The following ATXN1 variants were observed in gnomAD, a reference collection of about 807,000 sequenced individuals.
The protein encoded by ATXN1 is ataxin-1.
A neutral mutation model predicts 56.4 loss-of-function variants in ATXN1; 8 were observed. That is an observed-to-expected ratio of 0.14 (90% confidence interval 0.08 to 0.26). The LOEUF (loss-of-function observed/expected upper bound fraction) is 0.26. Ranked by LOEUF, ATXN1 falls within the 10% of genes least tolerant of loss-of-function variation. The pLI is 1.00. For synonymous variants in ATXN1, 514 were observed against 494.6 expected, an observed-to-expected ratio of 1.04 and a Z score of -0.52; for missense variants, 987 against 1,106.5, an observed-to-expected ratio of 0.89 and a Z score of 1.53.
At chr6:16,412,497 GACTAA>G (rs1287185852) in intron 6 of ATXN1, among the ~76,000 whole-genome samples, 1 of 152,114 alleles carries the variant, frequency 6.6e-6, no homozygotes, top group Non-Finnish European at 1.5e-5. Flanking sequence ...TCCACCAAGT[GACTAA>G]ACTAAATTCA....
chr6:16,471,305 C>T (rs943652604), intron 6 of ATXN1, among the ~76,000 whole-genome samples: 3 of 152,022 alleles, frequency 2.0e-5, no homozygotes. Context: ...GTAAGTTAAT[C>T]ACAGGAAGTA....
intron 6 of ATXN1, among the ~76,000 whole-genome samples, chr6:16,413,676 T>A (rs1044263481): frequency 6.6e-5 from 10 of 152,216 alleles, no homozygotes; most frequent in African/African-American, 2.4e-4. Context: ...AAGCACTGCA[T>A]GTTAATCACT....
chr6:16,591,518 T>C (rs967005535), intron 3 of ATXN1, among the ~76,000 whole-genome samples: 1 of 152,212 alleles, frequency 6.6e-6, no homozygotes, highest in African/African-American at 2.4e-5. Context: ...GGCAAAATTC[T>C]TTGTTCATTA....
At chr6:16,540,457 C>T (rs1040451928) in intron 4 of ATXN1, among the ~76,000 whole-genome samples, 2 of 152,180 alleles carry the variant, frequency 1.3e-5, no homozygotes, top group African/African-American at 4.8e-5. Context: ...GGTGATCCAC[C>T]CACCTCAGCC....
intron 6 of ATXN1, among the ~76,000 whole-genome samples, chr6:16,358,861 G>A (rs1361033323): frequency 1.3e-5 from 2 of 152,190 alleles, no homozygotes; most frequent in African/African-American, 2.4e-5. Flanking sequence ...TGCAGCTGCC[G>A]CACCCACGGC....
intron 3 of ATXN1, 87 bp downstream of exon 3, chr6:16,657,689 G>A (rs977218051): frequency 1.3e-5 from 2 of 152,184 alleles, no homozygotes; most frequent in Non-Finnish European, 2.9e-5. Flanking sequence ...ATAGCAATAC[G>A]CTTGAAGAAG....
chr6:16,673,478 C>G (rs1488173531), intron 2 of ATXN1, among the ~76,000 whole-genome samples: 2 of 152,118 alleles, frequency 1.3e-5, no homozygotes, highest in African/African-American at 2.4e-5. Context: ...TCACCTTTGT[C>G]AAGGCAGGCT....
intron 5 of ATXN1, among the ~76,000 whole-genome samples, chr6:16,515,717 G>C (rs985141363): frequency 2.0e-5 from 3 of 152,214 alleles, no homozygotes; most frequent in Non-Finnish European, 2.9e-5. Flanking sequence ...GCATATGCGT[G>C]GCCCCTGTCT....
intron 4 of ATXN1, among the ~76,000 whole-genome samples, chr6:16,576,919 A>T (rs1762432771): frequency 6.6e-6 from 1 of 152,218 alleles, no homozygotes; most frequent in Non-Finnish European, 1.5e-5. Context: ...AAAAGCTAAA[A>T]AAAGACAAGT....
In ATXN1 at chr6:16,497,076, C is replaced by G. The variant is rs543963855; in HGVS notation, c.-298-10967G>C. 1.3e-3 allele frequency among the ~76,000 whole-genome samples: 205 copies of G among 152,176 alleles called. 2 individuals carry two copies. Among genetic ancestry groups the G allele is most frequent in the African/African-American group, 4.7e-3 (195 of 41,512 alleles). ...TACCTTTTTCAGGCAAAATAAGAGG[C>G]CTTTTACAAAAATTCTATTGCTAAA... On this transcript the variant is annotated intron_variant, in intron 5 of 7. Transcript: ENST00000436367.
rs150161978 is a variant in ATXN1 at position 16,713,721 on chromosome 6, T to C, written c.-615+39512A>G. Among the ~76,000 whole-genome samples the C allele has an allele frequency of 5.3e-4, 81 of 152,304 alleles. No individual in the cohort carries two copies. The South Asian group carries it at 8.5e-3, about 16-fold the overall frequency. Reference sequence around the variant, plus strand: ...AGCAGCATCAGTTTCACGGAGGGATTTGTCAGAAATACATATTCTCAGGCT... The same window carrying C: ...AGCAGCATCAGTTTCACGGAGGGATCTGTCAGAAATACATATTCTCAGGCT... On this transcript the variant is annotated intron_variant, in intron 2 of 7. Transcript: ENST00000436367.
At chr6:16,405,467 T>C (rs1758666706) in intron 6 of ATXN1, among the ~76,000 whole-genome samples, 2 of 152,222 alleles carry the variant, frequency 1.3e-5, no homozygotes, top group Admixed American at 6.5e-5. Flanking sequence ...ATGCACCTTG[T>C]GGATGGCAAT....
intron 5 of ATXN1, among the ~76,000 whole-genome samples, chr6:16,513,711 CA>C (rs1163583132): frequency 2.6e-5 from 4 of 152,078 alleles, no homozygotes; most frequent in African/African-American, 9.7e-5. Flanking sequence ...GAAACTTCAT[CA>C]AGAGCAGCAA....
intron 5 of ATXN1, among the ~76,000 whole-genome samples, chr6:16,500,737 A>AT (rs1760868636): frequency 7.8e-6 from 1 of 128,178 alleles, no homozygotes; most frequent in Admixed American, 8.4e-5. Context: ...CTTCATTATG[A>AT]TAAAAAAAAA....
intron 2 of ATXN1, among the ~76,000 whole-genome samples, chr6:16,689,378 A>T (rs1758992760): frequency 6.6e-6 from 1 of 152,044 alleles, no homozygotes. Flanking sequence ...CAGTGGCATG[A>T]TCATAGCTCA....
At chr6:16,678,340 G>A (rs543700068) in intron 2 of ATXN1, among the ~76,000 whole-genome samples, 5 of 152,270 alleles carry the variant, frequency 3.3e-5, no homozygotes, top group Admixed American at 6.5e-5. Flanking sequence ...TATTTTCAGC[G>A]ATTTAGGTAA....
At chr6:16,678,891 C>T (rs981130282) in intron 2 of ATXN1, among the ~76,000 whole-genome samples, 4 of 152,158 alleles carry the variant, frequency 2.6e-5, no homozygotes, top group African/African-American at 9.7e-5. Flanking sequence ...ACAAAATTAG[C>T]TGGCTGTGGT....
intron 3 of ATXN1, among the ~76,000 whole-genome samples, chr6:16,599,387 A>T (rs1762873241): frequency 6.6e-6 from 1 of 151,858 alleles, no homozygotes; most frequent in South Asian, 2.1e-4. Context: ...CCCTCCAAAG[A>T]TTTCCTTCTA....
Position 16,605,403 on chromosome 6 carries a change from G to A in ATXN1, c.-488-19496C>T, listed in dbSNP as rs368709362. 4.4e-4 allele frequency among the ~76,000 whole-genome samples: 67 copies of A among 152,324 alleles called. 1 individual carries two copies. In the East Asian group the frequency reaches 0.011, roughly 25 times the overall value. On this transcript the variant is annotated intron_variant, in intron 3 of 7. Transcript: ENST00000436367. ...AAGGCCACAAGAGGACTAGTTTACA[G>A]CAGAGCTGGGCTTATATAACAGGGC...
Sources: gnomAD v4.1 joint callset for allele counts (sites outside exome capture counted in the v4.1 genomes callset) on GRCh38, gnomAD v4.1.1 for gene constraint, MANE v1.5 for transcripts, NCBI Gene and HGNC (gene_info 2026-07-23, HGNC 2026-07-21) for gene names.